DLGAP1: variants seen among roughly 807,000 people sequenced by gnomAD.
DLGAP1 encodes the protein DLG associated protein 1, also known as disks large-associated protein 1.
Under a neutral mutation model 90.8 loss-of-function variants are expected in DLGAP1, and 11 were observed. The observed-to-expected ratio is 0.12, with a 90% CI of 0.08 to 0.20. DLGAP1 has a LOEUF of 0.20. DLGAP1 is among the 10% of genes least tolerant of loss of function. The pLI is 1.00. For synonymous variants in DLGAP1, 558 were observed against 540.7 expected (o/e 1.03, Z -0.44); for missense variants, 1,050 against 1,333.8 (o/e 0.79, Z 3.31).
chr18:4,367,004 CAAAAAAA>C (rs67286288), intron 1 of DLGAP1, among the ~76,000 whole-genome samples: 14 of 60,732 alleles, frequency 2.3e-4, no homozygotes, highest in South Asian at 2.1e-3. Context: ...CTGTCAATGG[CAAAAAAA>C]AAAAAAAAAA....
intron 5 of DLGAP1, among the ~76,000 whole-genome samples, chr18:3,788,593 T>C (rs964246551): frequency 6.6e-6 from 1 of 152,164 alleles, no homozygotes; most frequent in Non-Finnish European, 1.5e-5. Context: ...AATTTGCTCT[T>C]TGGGTTAAGT....
chr18:4,376,375 C>T (rs903684677), intron 1 of DLGAP1, among the ~76,000 whole-genome samples: 4 of 152,182 alleles, frequency 2.6e-5, no homozygotes, highest in Non-Finnish European at 4.4e-5. Flanking sequence ...GTGGAATCCA[C>T]GTAGAAATCA....
At chr18:4,439,045 C>T (rs1461477021) in intron 1 of DLGAP1, among the ~76,000 whole-genome samples, 1 of 152,206 alleles carries the variant, frequency 6.6e-6, no homozygotes, top group African/African-American at 2.4e-5. Context: ...TCCTTCCTGC[C>T]TTGATGTTCC....
intron 4 of DLGAP1, among the ~76,000 whole-genome samples, chr18:3,838,718 A>C (rs1175659299): frequency 6.6e-6 from 1 of 152,260 alleles, no homozygotes; most frequent in Non-Finnish European, 1.5e-5. Flanking sequence ...TAATAAAAAG[A>C]TAATTGTTGC....
intron 10 of DLGAP1, among the ~76,000 whole-genome samples, chr18:3,512,838 C>T (rs920128114): frequency 2.6e-5 from 4 of 152,198 alleles, no homozygotes; most frequent in Non-Finnish European, 4.4e-5. Context: ...GGAAGCTATC[C>T]GAGTGTGATT....
At chr18:4,101,430 C>A (rs147295969) in intron 2 of DLGAP1, among the ~76,000 whole-genome samples, 113 of 152,118 alleles carry the variant, frequency 7.4e-4, no homozygotes, top group Middle Eastern at 3.4e-3. Context: ...GATCACTGAT[C>A]AAAGATCACT....
chr18:4,065,931 C>G (rs1479301667), intron 2 of DLGAP1, among the ~76,000 whole-genome samples: 2 of 149,892 alleles, frequency 1.3e-5, no homozygotes, highest in African/African-American at 5.0e-5. Flanking sequence ...TACAAAGCTA[C>G]AGTAATCAAA....
chr18:3,741,002 C>CCACCACCACCACCATCACCT (rs2062903353), intron 6 of DLGAP1, among the ~76,000 whole-genome samples: 1 of 118,460 alleles, frequency 8.4e-6, no homozygotes, highest in Non-Finnish European at 1.8e-5. Context: ...CATCACCTCA[C>CCACCACCACCACCATCACCT]CACCACCACC....
At chr18:4,117,638 G>A (rs935190572) in intron 2 of DLGAP1, among the ~76,000 whole-genome samples, 1 of 152,106 alleles carries the variant, frequency 6.6e-6, no homozygotes, top group South Asian at 2.1e-4. Context: ...TTTGTGGCTT[G>A]GAGGCTGCTA....
At chr18:4,408,225 G>A (rs1183865600) in intron 1 of DLGAP1, among the ~76,000 whole-genome samples, 2 of 152,118 alleles carry the variant, frequency 1.3e-5, no homozygotes, top group African/African-American at 2.4e-5. Context: ...TATTTATCAG[G>A]TGCATATTCA....
intron 9 of DLGAP1, among the ~76,000 whole-genome samples, chr18:3,554,359 C>G (rs1356402331): frequency 3.9e-5 from 6 of 152,128 alleles, no homozygotes; most frequent in African/African-American, 1.4e-4. Flanking sequence ...CACTAGCTGA[C>G]CTGTGAAACA....
intron 2 of DLGAP1, among the ~76,000 whole-genome samples, chr18:4,105,608 A>G (rs2143926256): frequency 6.6e-6 from 1 of 152,358 alleles, no homozygotes; most frequent in South Asian, 2.1e-4. Context: ...TTTTGGGTTA[A>G]CCCAAAGAAA....
Position 4,173,794 on chromosome 18 carries a change from T to C in DLGAP1, c.-266-22507A>G, listed in dbSNP as rs566274121. Reference sequence around the variant, plus strand: ...AGACCTGATGGAAGCTCAATATATGTAATGGCTGCTGAGAGCTTGTCCCCT... The same window carrying C: ...AGACCTGATGGAAGCTCAATATATGCAATGGCTGCTGAGAGCTTGTCCCCT... On this transcript the variant is annotated intron_variant, in intron 1 of 12. Coordinates refer to ENST00000315677, the MANE Select transcript of DLGAP1 (RefSeq NM_004746.4). Among the ~76,000 whole-genome samples the C allele has an allele frequency of 1.6e-4, 24 of 152,312 alleles. No individual in the cohort carries two copies. In the South Asian group the frequency reaches 4.8e-3, roughly 30 times the overall value.
chr18:4,330,551 G>T (rs943526804), intron 1 of DLGAP1, among the ~76,000 whole-genome samples: 4 of 151,600 alleles, frequency 2.6e-5, no homozygotes, highest in African/African-American at 9.7e-5. Context: ...TACCCATTTT[G>T]TTGCATGGTA....
Position 3,879,903 on chromosome 18 carries a change from C to T in DLGAP1, c.166G>A (p.Glu56Lys). The change falls in exon 4 of 13, where the codon GAG becomes AAG. Residue 56 changes from glutamate to lysine, a missense_variant. Coordinates refer to ENST00000315677, the MANE Select transcript of DLGAP1 (RefSeq NM_004746.4). The surrounding 1 kb of genome is among the most constrained non-coding windows in gnomAD (Gnocchi z 6.6). ...GGGTCGCTGAAGGGGCCCACGCACT[C>T]AGCCTGGAAGGAGTTCCGCTGGGTG... ...YYTQRNSFQA[E>K]CVGPFSDPLA... The T allele has an allele frequency of 6.2e-7, 1 of 1,612,434 alleles. No individual in the cohort carries two copies. Among genetic ancestry groups the T allele is most frequent in the Non-Finnish European group, 8.5e-7 (1 of 1,179,782 alleles).
At chr18:4,325,158 G>C (rs910937157) in intron 1 of DLGAP1, among the ~76,000 whole-genome samples, 4 of 152,102 alleles carry the variant, frequency 2.6e-5, no homozygotes, top group African/African-American at 9.7e-5. Context: ...TACAACTTTA[G>C]CAAAGTTTCA....
intron 5 of DLGAP1, among the ~76,000 whole-genome samples, chr18:3,802,085 A>G (rs905423175): frequency 1.3e-5 from 2 of 152,046 alleles, no homozygotes; most frequent in African/African-American, 4.8e-5. Flanking sequence ...CCCAGGTTCA[A>G]GTGATTATTC....
intron 7 of DLGAP1, among the ~76,000 whole-genome samples, chr18:3,691,251 C>T (rs920633904): frequency 6.6e-6 from 1 of 152,032 alleles, no homozygotes; most frequent in African/African-American, 2.4e-5. Flanking sequence ...GAGTTTAAGA[C>T]CAGCCTGGCC....
intron 5 of DLGAP1, among the ~76,000 whole-genome samples, chr18:3,771,702 T>C (rs1162999568): frequency 3.3e-5 from 5 of 152,228 alleles, no homozygotes; most frequent in African/African-American, 1.2e-4. Context: ...GGGGCCTGGA[T>C]TGCTGTTATC....
Sources: allele counts gnomAD v4.1 joint callset (sites outside exome capture counted in the v4.1 genomes callset), GRCh38; gene constraint gnomAD v4.1.1; non-coding constraint Gnocchi (gnomAD v3.1); transcripts MANE v1.5; gene names NCBI Gene and HGNC (gene_info 2026-07-23, HGNC 2026-07-21).